Variants in AFG2A observed in about 807,000 individuals in gnomAD.
AFG2A encodes ATPase family gene 2 protein homolog A.
chr4:123,156,146 C>A, the AFG2A span, among the ~76,000 whole-genome samples: 1 of 152,160 alleles, frequency 6.6e-6, no homozygotes, highest in East Asian at 1.9e-4. Flanking sequence ...ATGGCTAGAC[C>A]TTAAGTTAGG....
chr4:123,189,809 C>CTTTTTT, the AFG2A span, among the ~76,000 whole-genome samples: 418 of 61,762 alleles, frequency 6.8e-3, 51 homozygotes, highest in African/African-American at 0.017. Flanking sequence ...AGGTCATTTG[C>CTTTTTT]TTTTTTTTTT....
chr4:122,954,209 C>T, the AFG2A span, among the ~76,000 whole-genome samples: 35 of 152,116 alleles, frequency 2.3e-4, no homozygotes, highest in Non-Finnish European at 4.3e-4. Context: ...GGGTGGCATG[C>T]GATGTATGCC....
At chr4:123,220,412 C>G in the AFG2A span, among the ~76,000 whole-genome samples, 2 of 151,436 alleles carry the variant, frequency 1.3e-5, no homozygotes, top group African/African-American at 4.8e-5. Context: ...GAGTTCCAGA[C>G]CAGCCTGGCC....
At chr4:122,933,395 G>A in the AFG2A span, 237 of 1,482,616 alleles carry the variant, frequency 1.6e-4, 1 homozygote, top group Non-Finnish European at 2.2e-4. Context: ...TTAGTTTCTG[G>A]TGTACCTAAT....
At chr4:123,009,834 C>A in the AFG2A span, among the ~76,000 whole-genome samples, 2 of 152,078 alleles carry the variant, frequency 1.3e-5, no homozygotes, top group African/African-American at 4.8e-5. Context: ...CTTTAATTAT[C>A]TAATTTAAAA....
At chr4:123,046,967 G>GCTTTTTTA in the AFG2A span, among the ~76,000 whole-genome samples, 3 of 152,080 alleles carry the variant, frequency 2.0e-5, no homozygotes, top group Non-Finnish European at 2.9e-5. Flanking sequence ...CAGATGACAG[G>GCTTTTTTA]ATCTCATTTT....
chr4:123,025,242 T>G, the AFG2A span, among the ~76,000 whole-genome samples: 1 of 152,146 alleles, frequency 6.6e-6, no homozygotes, highest in African/African-American at 2.4e-5. Context: ...CTGTTGTCTC[T>G]GATTACAAGG....
chr4:122,988,890 T>C, the AFG2A span, among the ~76,000 whole-genome samples: 1 of 152,232 alleles, frequency 6.6e-6, no homozygotes, highest in Non-Finnish European at 1.5e-5. Context: ...TCTTCTGTTG[T>C]ATTGTCTGCT....
chr4:123,299,651 CTTTG>C, the AFG2A span, among the ~76,000 whole-genome samples: 31 of 152,198 alleles, frequency 2.0e-4, no homozygotes, highest in Admixed American at 8.5e-4. Context: ...TCCAATGATA[CTTTG>C]TTTGTTTGTT....
the AFG2A span, among the ~76,000 whole-genome samples, chr4:123,259,696 C>A: frequency 2.0e-4 from 30 of 152,168 alleles, 1 homozygote; most frequent in East Asian, 4.6e-3. Flanking sequence ...ATTCATTTAT[C>A]TTTTATCAAA....
chr4:123,126,426 C>T, the AFG2A span, among the ~76,000 whole-genome samples: 6 of 152,178 alleles, frequency 3.9e-5, no homozygotes, highest in African/African-American at 1.4e-4. Flanking sequence ...TCATGTGTTC[C>T]AGGTTTTTCC....
chr4:123,240,309 C>T, the AFG2A span, among the ~76,000 whole-genome samples: 1 of 152,164 alleles, frequency 6.6e-6, no homozygotes, highest in Non-Finnish European at 1.5e-5. Context: ...CTCTCCACCC[C>T]AAATCAACAG....
the AFG2A span, among the ~76,000 whole-genome samples, chr4:123,024,980 C>G: frequency 6.6e-6 from 1 of 152,200 alleles, no homozygotes; most frequent in African/African-American, 2.4e-5. Context: ...TGGAAGGGAG[C>G]TAGGGGACGG....
At chr4:122,930,733 C>T in the AFG2A span, among the ~76,000 whole-genome samples, 17 of 152,178 alleles carry the variant, frequency 1.1e-4, no homozygotes, top group Non-Finnish European at 2.4e-4. Context: ...GATTATTCCT[C>T]AGACTATGTC....
At chr4:122,947,156 T>A in the AFG2A span, 1 of 1,399,596 alleles carries the variant, frequency 7.1e-7, no homozygotes, top group Non-Finnish European at 9.5e-7. Context: ...TCCTTGTCTA[T>A]ACAGCCAGTG....
the AFG2A span, among the ~76,000 whole-genome samples, chr4:123,307,968 C>T: frequency 1.6e-3 from 245 of 152,296 alleles, 1 homozygote; most frequent in African/African-American, 5.4e-3. Context: ...AGTGAAAGCA[C>T]CTAACAATGC....
chr4:123,112,733 G>C, the AFG2A span, among the ~76,000 whole-genome samples: 12 of 151,994 alleles, frequency 7.9e-5, no homozygotes, highest in South Asian at 1.9e-3. Flanking sequence ...GACCATAAAA[G>C]CTTCTTCCAA....
chr4:123,011,383 T>C, the AFG2A span, among the ~76,000 whole-genome samples: 1 of 152,222 alleles, frequency 6.6e-6, no homozygotes, highest in East Asian at 1.9e-4. Context: ...TTTGAACTTA[T>C]GACCCAACTA....
At chr4:123,155,326 C>T in the AFG2A span, among the ~76,000 whole-genome samples, 1 of 152,112 alleles carries the variant, frequency 6.6e-6, no homozygotes, top group Non-Finnish European at 1.5e-5. Flanking sequence ...TCAAGCCTTC[C>T]TCCCACCTTG....
Sources: gnomAD v4.1 joint callset for allele counts (sites outside exome capture counted in the v4.1 genomes callset) on GRCh38, gnomAD v4.1.1 for gene constraint, MANE v1.5 for transcripts, NCBI Gene and HGNC (gene_info 2026-07-23, HGNC 2026-07-21) for gene names.